SPATA31C1: variants seen among roughly 807,000 people sequenced by gnomAD.
The protein encoded by SPATA31C1 is spermatogenesis-associated protein 31C1.
exon 5 of SPATA31C1, chr9:87,923,170 G>T (rs1367709022): frequency 6.2e-7 from 1 of 1,603,354 alleles, no homozygotes; most frequent in Admixed American, 1.7e-5. Flanking sequence ...AATCAGCAAA[G>T]ACAGCAGTTT....
In SPATA31C1 at chr9:87,916,064, A is replaced by G. The variant is rs1336001288; in HGVS notation, n.189+1354A>G. Reference sequence around the variant, plus strand: ...CTGAATAGAAATTTTATAGCCACAGAGCAGGGTGGAGGGGTGGTAGTGTAT... The same window carrying G: ...CTGAATAGAAATTTTATAGCCACAGGGCAGGGTGGAGGGGTGGTAGTGTAT... On this transcript the variant is annotated intron_variant and non_coding_transcript_variant, in intron 1 of 4. Transcript: ENST00000420021. Among the ~76,000 whole-genome samples, 2 of 143,456 alleles carry G rather than the reference A, an allele frequency of 1.4e-5. 1 individual carries two copies. Among genetic ancestry groups the G allele is most frequent in the Non-Finnish European group, 3.1e-5 (2 of 64,798 alleles). The allele number at this position is 143,456 out of a possible 152,430, so 94.1% of individuals were successfully genotyped here.
chr9:87,916,139 C>A (rs1828711223), intron 1 of SPATA31C1, among the ~76,000 whole-genome samples: 1 of 142,932 alleles, frequency 7.0e-6, no homozygotes, highest in South Asian at 2.4e-4. Context: ...TCACAGAATT[C>A]TTGCTGAAGC....
intron 3 of SPATA31C1, among the ~76,000 whole-genome samples, chr9:87,919,556 G>T (rs1218485266): frequency 8.6e-5 from 8 of 93,300 alleles, no homozygotes; most frequent in African/African-American, 3.0e-4. Context: ...CAGTGTGTGT[G>T]TCCTGGGGAG....
chr9:87,916,459 GGAA>G (rs1183904599), intron 1 of SPATA31C1, among the ~76,000 whole-genome samples: 21 of 148,434 alleles, frequency 1.4e-4, no homozygotes, highest in African/African-American at 5.1e-4. Flanking sequence ...GGTAAAAACT[GGAA>G]GAAAAGTGCA....
At chr9:87,915,844 G>T (rs1239106106) in intron 1 of SPATA31C1, among the ~76,000 whole-genome samples, 10 of 145,850 alleles carry the variant, frequency 6.9e-5, no homozygotes, top group African/African-American at 1.5e-4. Context: ...AAAAATTGGG[G>T]AGAATAATTC....
rs758729683 is a variant in SPATA31C1, at chr9:87,922,093, C to G, written n.2483C>G. On this transcript the variant is annotated non_coding_transcript_exon_variant, in exon 5 of 5. Transcript: ENST00000420021. Reference sequence around the variant, plus strand: ...CTGAGAAAGCAAGTGCTGACCAAACCATCTGTTCACATGCCAGAGAGGCTT... The same window carrying G: ...CTGAGAAAGCAAGTGCTGACCAAACGATCTGTTCACATGCCAGAGAGGCTT... 2.5e-6 allele frequency: 4 copies of G among 1,613,982 alleles called. No homozygotes were observed. The East Asian group carries it at 8.9e-5, about 36-fold the overall frequency.
At chr9:87,916,966 C>T (rs1415588401) in intron 1 of SPATA31C1, among the ~76,000 whole-genome samples, 1 of 74,754 alleles carries the variant, frequency 1.3e-5, no homozygotes, top group East Asian at 8.4e-4. Context: ...CACTGCACTC[C>T]AGCCTGGGCA....
exon 5 of SPATA31C1, chr9:87,920,472 T>A: frequency 6.2e-7 from 1 of 1,613,868 alleles, no homozygotes; most frequent in Non-Finnish European, 8.5e-7. Flanking sequence ...AATGACCACC[T>A]CAGTCTCCTC....
intron 1 of SPATA31C1, among the ~76,000 whole-genome samples, chr9:87,915,439 G>C (rs1483458810): frequency 2.1e-5 from 3 of 144,746 alleles, no homozygotes; most frequent in Non-Finnish European, 4.6e-5. Flanking sequence ...AGTAGCTGGG[G>C]ATTACAGGCG....
At chr9:87,919,561 G>C (rs1276208335) in intron 3 of SPATA31C1, among the ~76,000 whole-genome samples, 2 of 91,694 alleles carry the variant, frequency 2.2e-5, no homozygotes, top group African/African-American at 4.4e-5. Flanking sequence ...TGTGTGTCCT[G>C]GGGAGACCAA....
exon 5 of SPATA31C1, chr9:87,922,732 A>T (rs1330354508): frequency 1.2e-6 from 2 of 1,606,746 alleles, no homozygotes; most frequent in African/African-American, 2.7e-5. Context: ...GAGCCCAGGA[A>T]CCCAAACTGT....
At chr9:87,920,049 G>T (rs1250732129) in intron 4 of SPATA31C1, 73 bp downstream of exon 3, 1 of 1,608,470 alleles carries the variant, frequency 6.2e-7, no homozygotes, top group Non-Finnish European at 8.5e-7. Flanking sequence ...AGGCAGCCTG[G>T]AGCTGACCTG....
At chr9:87,921,580 G>A (rs1368881100) in exon 5 of SPATA31C1, 1 of 1,612,028 alleles carries the variant, frequency 6.2e-7, no homozygotes, top group Non-Finnish European at 8.5e-7. Context: ...AGGAACCTGA[G>A]GAAGCCCTTG....
chr9:87,919,222 G>A (rs778346526), intron 2 of SPATA31C1, 33 bp from the exon 2 acceptor site: 104 of 1,392,042 alleles, frequency 7.5e-5, no homozygotes, highest in African/African-American at 1.8e-4. Context: ...AGGGAGAGCC[G>A]GTCCTAGCTC....
chr9:87,923,042 A>G lies in SPATA31C1; in HGVS notation n.3432A>G, dbSNP rs775359118. 11 of 1,598,164 alleles carry G rather than the reference A, an allele frequency of 6.9e-6. No homozygotes were observed. The East Asian group carries it at 2.5e-4, about 36-fold the overall frequency. ...TCACTGCTGAGAGCCAAAAAACAGT[A>G]AAAAACAGATCATGCGTGTACGGCA... is the stretch of plus-strand genomic sequence containing the variant. On this transcript the variant is annotated non_coding_transcript_exon_variant, in exon 5 of 5. Transcript: ENST00000420021.
exon 5 of SPATA31C1, chr9:87,921,833 C>T (rs780543182): frequency 6.2e-7 from 1 of 1,612,050 alleles, no homozygotes; most frequent in Non-Finnish European, 8.5e-7. Flanking sequence ...AGGTGCTTTC[C>T]TTCCTTGAGC....
In SPATA31C1 at chr9:87,922,678, T is replaced by C. The variant is rs780066044; in HGVS notation, n.3068T>C. 3.1e-6 allele frequency: 5 copies of C among 1,607,886 alleles called. No homozygotes were observed. The East Asian group carries it at 8.9e-5, about 29-fold the overall frequency. Reference sequence around the variant, plus strand: ...GGGAACATGCAGGCTTCCCAGGAGCTATGTGACCTCATGTCAGCCAGAAGG... The same window carrying C: ...GGGAACATGCAGGCTTCCCAGGAGCCATGTGACCTCATGTCAGCCAGAAGG... On this transcript the variant is annotated non_coding_transcript_exon_variant, in exon 5 of 5. Transcript: ENST00000420021.
At chr9:87,921,209 T>C (rs569315991) in exon 5 of SPATA31C1, 1 of 1,611,960 alleles carries the variant, frequency 6.2e-7, no homozygotes, top group Admixed American at 1.7e-5. Flanking sequence ...TCTCCACTCC[T>C]AACCTTCCCC....
intron 2 of SPATA31C1, chr9:87,919,255 C>G (rs199847889): frequency 6.9e-6 from 11 of 1,599,410 alleles, no homozygotes; most frequent in Non-Finnish European, 9.4e-6. Flanking sequence ...TGTCTCCCAG[C>G]GTCATCTTGT....
Sources: gnomAD v4.1 joint callset for allele counts (sites outside exome capture counted in the v4.1 genomes callset) on GRCh38, gnomAD v4.1.1 for gene constraint, MANE v1.5 for transcripts, NCBI Gene and HGNC (gene_info 2026-07-23, HGNC 2026-07-21) for gene names.